The following SOS1 variants were observed in gnomAD, a reference collection of about 807,000 sequenced individuals.
SOS1 encodes the protein son of sevenless homolog 1.
Under a neutral mutation model 157.6 loss-of-function variants are expected in SOS1, and 25 were observed. The observed-to-expected ratio is 0.16, with a 90% CI of 0.12 to 0.22. SOS1 has a LOEUF of 0.22. Ranked by LOEUF, SOS1 falls within the 10% of genes least tolerant of loss-of-function variation. The pLI is 1.00. For synonymous variants in SOS1, 528 were observed against 534.0 expected, an observed-to-expected ratio of 0.99 and a Z score of 0.16; for missense variants, 1,237 against 1,599.1, an observed-to-expected ratio of 0.77 and a Z score of 3.86.
chr2:39,109,950 ATAAG>A, intron 1 of SOS1, among the ~76,000 whole-genome samples: 1 of 152,190 alleles, frequency 6.6e-6, no homozygotes, highest in Non-Finnish European at 1.5e-5. Context: ...AAAACTTACT[ATAAG>A]TAGAGAAATC....
Position 39,023,115 on chromosome 2 carries a change from C to T in SOS1, c.1313G>A (p.Gly438Glu). ...CATTATAAATTCATTACAACACTGT[C>T]CAATGTCTTTTCCCTCCCAACCATC... Reference protein sequence around the residue: ...NIDGWEGKDIGQCCNEFIMEG... With the variant: ...NIDGWEGKDIEQCCNEFIMEG... The change falls in exon 10 of 23, where the codon GGA becomes GAA. Residue 438 changes from glycine (G) to glutamate (E), a missense_variant. Gly to Glu is a moderately conservative substitution (Grantham distance 98). Coordinates refer to ENST00000402219, the MANE Select transcript of SOS1 (RefSeq NM_005633.4). 6.2e-7 allele frequency: 1 copy of T among 1,613,476 alleles called. No individual in the cohort carries two copies. The highest frequency in any genetic ancestry group is 1.7e-5 in the Admixed American group (1 of 59,998).
intron 15 of SOS1, chr2:39,007,625 A>AC (rs1558466499): frequency 1.8e-5 from 3 of 169,762 alleles, no homozygotes; most frequent in African/African-American, 7.2e-5. Context: ...ATTATTGGCT[A>AC]CATACATTTC....
At chr2:39,070,873 G>A (rs1036800002) in intron 1 of SOS1, among the ~76,000 whole-genome samples, 1 of 152,068 alleles carries the variant, frequency 6.6e-6, no homozygotes, top group Non-Finnish European at 1.5e-5. Context: ...TATTGTATTT[G>A]TTTATTTGAG....
intron 20 of SOS1, among the ~76,000 whole-genome samples, chr2:38,991,158 C>G (rs1668721039): frequency 6.6e-6 from 1 of 150,512 alleles, no homozygotes; most frequent in Non-Finnish European, 1.5e-5. Flanking sequence ...GGGTTGAAAC[C>G]ACTCTTAAAG....
Position 39,120,979 on chromosome 2 carries a change from GGCCGCCGCCGCCACCGCC to G in SOS1, c.-575_-558del. 5.7e-6 allele frequency: 1 copy of G among 176,396 alleles called. No homozygotes were observed. Among genetic ancestry groups the G allele is most frequent in the Non-Finnish European group, 1.2e-5 (1 of 86,512 alleles). 10.9% of individuals were successfully genotyped at this position (176,396 alleles called of 1,614,324 possible). A position where few individuals can be genotyped will look rare whatever the true frequency, so the allele number is the denominator to read the frequency against. On this transcript the variant is annotated 5_prime_UTR_variant, in exon 1 of 23. Coordinates refer to ENST00000402219, the MANE Select transcript of SOS1 (RefSeq NM_005633.4). Reference sequence around the variant, plus strand: ...TCTGGCTGCCCTGAGGTGCCGCCGCGGCCGCCGCCGCCACCGCCGCCGCCGGTGTAGCGCTGGAGCTTC... The same window carrying G: ...TCTGGCTGCCCTGAGGTGCCGCCGCGGCCGCCGGTGTAGCGCTGGAGCTTC...
In SOS1 at chr2:39,120,601, C is replaced by T; in HGVS notation, c.-179G>A. The T allele has an allele frequency of 1.6e-6, 1 of 622,296 alleles. No homozygotes were observed. The highest frequency in any genetic ancestry group is 2.0e-6 in the Non-Finnish European group (1 of 494,492). The allele number at this position is 622,296 out of a possible 1,614,324, so 38.5% of individuals were successfully genotyped here. A position where few individuals can be genotyped will look rare whatever the true frequency, so the allele number is the denominator to read the frequency against. On this transcript the variant is annotated 5_prime_UTR_variant, in exon 1 of 23. Coordinates refer to ENST00000402219, the MANE Select transcript of SOS1 (RefSeq NM_005633.4). ...AGGGGGCTGGGGGGCGAGGCCCGCG[C>T]CTGGCCACCCACCCGACACAGGTAC...
At chr2:39,094,675 A>ATAAATAAATAAC (rs1478009404) in intron 1 of SOS1, among the ~76,000 whole-genome samples, 25 of 152,112 alleles carry the variant, frequency 1.6e-4, no homozygotes, top group African/African-American at 5.5e-4. Context: ...AAATAAATAA[A>ATAAATAAATAAC]TAAATAAAGA....
chr2:39,067,848 G>A, intron 1 of SOS1, 95 bp from the exon 2 acceptor site: 1 of 1,106,884 alleles, frequency 9.0e-7, no homozygotes, highest in Non-Finnish European at 1.4e-6. Context: ...GCCGGGCACG[G>A]TGGCTCATGC....
chr2:39,063,023 T>A (rs753734615), intron 2 of SOS1, among the ~76,000 whole-genome samples: 5 of 152,190 alleles, frequency 3.3e-5, no homozygotes, highest in Admixed American at 6.5e-5. Context: ...TATCCATGGT[T>A]CTACATCTGT....
intron 1 of SOS1, among the ~76,000 whole-genome samples, chr2:39,068,113 T>C (rs1303663713): frequency 6.6e-6 from 1 of 152,186 alleles, no homozygotes; most frequent in Non-Finnish European, 1.5e-5. Flanking sequence ...AGCAAGACTC[T>C]GTCTCAAAAA....
chr2:39,113,560 A>T (rs757483249), intron 1 of SOS1, among the ~76,000 whole-genome samples: 4 of 152,046 alleles, frequency 2.6e-5, no homozygotes, highest in Non-Finnish European at 4.4e-5. Flanking sequence ...AAATAATTTT[A>T]AAAATAAAAA....
At position 38,990,052 on chromosome 2, in the gene SOS1, T is replaced by C. The variant is rs116247850; in HGVS notation, c.3347-738A>G. On this transcript the variant is annotated intron_variant, in intron 20 of 22. Transcript: ENST00000402219. ...GTGATCTATACTGATTCTAAATCAA[T>C]ATAGTTGTTTGTTTGTACAGTGTCT... Among the ~76,000 whole-genome samples the C allele has an allele frequency of 3.4e-3, 519 of 151,238 alleles. 2 individuals are homozygous for C. Among genetic ancestry groups the C allele is most frequent in the African/African-American group, 0.012 (497 of 41,514 alleles).
Position 39,117,075 on chromosome 2 carries a change from T to C in SOS1, c.87+3261A>G, listed in dbSNP as rs375886017. 1.6e-3 allele frequency among the ~76,000 whole-genome samples: 237 copies of C among 151,122 alleles called. 2 individuals are homozygous for C. In the East Asian group the frequency reaches 0.019, roughly 12 times the overall value. On this transcript the variant is annotated intron_variant, in intron 1 of 22. Transcript: ENST00000402219. ...CAGAGTTTTGCTCTTGTTGCCCAGG[T>C]TGGAGTGCAGTGGTGCAATCTCGCC...
intron 1 of SOS1, among the ~76,000 whole-genome samples, chr2:39,097,901 T>C (rs1395914817): frequency 1.3e-5 from 2 of 152,226 alleles, no homozygotes; most frequent in Admixed American, 6.5e-5. Flanking sequence ...ACAGTTTAAG[T>C]GCTGAACATT....
rs778795698 is a variant in SOS1, at chr2:39,054,728, A to G, written c.606T>C (p.Tyr202=). 6.3e-7 allele frequency: 1 copy of G among 1,595,512 alleles called. No individual in the cohort carries two copies. The highest frequency in any genetic ancestry group is 1.1e-5 in the South Asian group (1 of 90,682). ...EPSTSGEQTY[Y]DLVKAFMAEI... is the part of the protein sequence containing the mutation. ...CTGCCATAAATGCTTTTACCAAATCATAGTAAGTTTGTTCTCCTGAGGTGG... is the reference window on the plus strand; with the variant it reads ...CTGCCATAAATGCTTTTACCAAATCGTAGTAAGTTTGTTCTCCTGAGGTGG... The change falls in exon 5 of 23, where the codon TAT becomes TAC. Residue 202 remains tyrosine (Y), a synonymous_variant. Coordinates refer to ENST00000402219, the MANE Select transcript of SOS1 (RefSeq NM_005633.4).
At chr2:38,993,264 A>C (rs377053727) in intron 20 of SOS1, 2 of 152,306 alleles carry the variant, frequency 1.3e-5, no homozygotes, top group African/African-American at 4.8e-5. Context: ...AGCTCAAGCA[A>C]TCCTCCCACT....
At chr2:39,083,535 A>G (rs751436343) in intron 1 of SOS1, among the ~76,000 whole-genome samples, 7 of 152,204 alleles carry the variant, frequency 4.6e-5, no homozygotes, top group Non-Finnish European at 5.9e-5. Flanking sequence ...CAAAACCCAA[A>G]TTATAAGCAG....
chr2:39,007,093 C>A lies in SOS1; in HGVS notation c.2611G>T (p.Val871Phe). 6.2e-7 allele frequency: 1 copy of A among 1,608,248 alleles called. No individual in the cohort carries two copies. Among genetic ancestry groups the A allele is most frequent in the Non-Finnish European group, 8.5e-7 (1 of 1,174,770 alleles). The change falls in exon 16 of 23, where the codon GTC (valine) becomes TTC (phenylalanine). Residue 871 changes from valine (V) to phenylalanine (F), a missense_variant. Physicochemically the swap from Val to Phe is conservative, Grantham distance 50. This residue lies in a region of SOS1 where 105 missense variants were observed against 236.0 expected (regional missense o/e 0.44). Transcript: ENST00000402219. ...VFQELNNFNG[V>F]LEVVSAMNSS... is the part of the protein sequence containing the mutation. Reference sequence around the variant, plus strand: ...TTCATAGCACTGACAACCTCAAGGACACCATTAAAGTTGTTCAACTCTTGA... The same window carrying A: ...TTCATAGCACTGACAACCTCAAGGAAACCATTAAAGTTGTTCAACTCTTGA...
rs1668532313 is a variant in SOS1, at chr2:38,985,627, C to T, written c.*197G>A. 1.5e-6 allele frequency: 1 copy of T among 649,852 alleles called. No individual in the cohort carries two copies. 40.3% of individuals were successfully genotyped at this position (649,852 alleles called of 1,614,324 possible). ...TCCAATTCCTCTAGGTCGGTCTTTCCATATTCTAAACTGGAATACCATTTC... is the reference window on the plus strand; with the variant it reads ...TCCAATTCCTCTAGGTCGGTCTTTCTATATTCTAAACTGGAATACCATTTC... On this transcript the variant is annotated 3_prime_UTR_variant, in exon 23 of 23. Coordinates refer to ENST00000402219, the MANE Select transcript of SOS1 (RefSeq NM_005633.4).
Sources: gnomAD v4.1 joint callset for allele counts (sites outside exome capture counted in the v4.1 genomes callset) on GRCh38, gnomAD v4.1.1 for gene constraint, gnomAD v4.1.1 regional missense constraint, MANE v1.5 for transcripts, NCBI Gene and HGNC (gene_info 2026-07-23, HGNC 2026-07-21) for gene names.